Variants in TAFA2 observed in about 807,000 individuals in gnomAD.
The protein encoded by TAFA2 is chemokine-like protein TAFA-2.
In TAFA2, 7 loss-of-function variants were observed where a neutral mutation model predicts 18.8. The ratio of observed to expected loss-of-function variants is 0.37; its 90% CI spans 0.21 to 0.70. The LOEUF is 0.70. Among genes scored for constraint, TAFA2 ranks in the 30% least tolerant of loss-of-function variants. The pLI, the probability that TAFA2 is intolerant of heterozygous loss-of-function variation, is 0.53. For synonymous variants in TAFA2, 60 were observed against 54.2 expected (o/e 1.11, Z -0.47); for missense variants, 122 against 158.1 (o/e 0.77, Z 1.23).
chr12:62,021,545 T>C (rs920031686), intron 1 of TAFA2: 6 of 661,538 alleles, frequency 9.1e-6, no homozygotes, highest in Non-Finnish European at 1.1e-5. Flanking sequence ...GACTCCAGAA[T>C]ACAGCTGCCA....
chr12:61,985,386 G>A (rs78081044), intron 1 of TAFA2, among the ~76,000 whole-genome samples: 1,904 of 152,292 alleles, frequency 0.013, 38 homozygotes, highest in Non-Finnish European at 0.013. Context: ...TTAACCATTT[G>A]AGGGGAGGAA....
chr12:61,993,748 TACAG>T (rs1354847539), intron 1 of TAFA2, among the ~76,000 whole-genome samples: 2 of 152,162 alleles, frequency 1.3e-5, no homozygotes, highest in Non-Finnish European at 2.9e-5. Flanking sequence ...CACTGTTAAA[TACAG>T]ACAATGAAAA....
intron 1 of TAFA2, among the ~76,000 whole-genome samples, chr12:62,065,847 G>GT (rs1427576441): frequency 6.6e-6 from 1 of 151,770 alleles, no homozygotes; most frequent in East Asian, 1.9e-4. Flanking sequence ...AAGAAAAGTG[G>GT]TTTTTACTTG....
intron 1 of TAFA2, among the ~76,000 whole-genome samples, chr12:62,105,790 C>CAAAT (rs1869421629): frequency 6.6e-6 from 1 of 152,210 alleles, no homozygotes; most frequent in East Asian, 1.9e-4. Context: ...AATCAATAGC[C>CAAAT]AAATAAAACA....
Position 62,024,913 on chromosome 12 carries a change from C to A in TAFA2, c.-1-157487G>T, listed in dbSNP as rs1459526950. Reference sequence around the variant, plus strand: ...GTAAATCAAAACCGCAATGAGATACCATCTCACACCAGTCAGAATGACTAT... The same window carrying A: ...GTAAATCAAAACCGCAATGAGATACAATCTCACACCAGTCAGAATGACTAT... On this transcript the variant is annotated intron_variant, in intron 1 of 4. Coordinates refer to ENST00000416284, the MANE Select transcript of TAFA2 (RefSeq NM_178539.5). Among the ~76,000 whole-genome samples the A allele has an allele frequency of 4.6e-5, 7 of 152,040 alleles. No homozygotes were observed. The East Asian group carries it at 1.3e-3, about 29-fold the overall frequency.
chr12:61,790,436 T>C (rs1418603283), intron 2 of TAFA2, among the ~76,000 whole-genome samples: 4 of 151,866 alleles, frequency 2.6e-5, no homozygotes, highest in African/African-American at 9.7e-5. Flanking sequence ...TGTTTCTGTT[T>C]GCAGAGGCTA....
At chr12:61,780,073 T>G (rs1239804179) in intron 2 of TAFA2, among the ~76,000 whole-genome samples, 1 of 151,594 alleles carries the variant, frequency 6.6e-6, no homozygotes, top group Non-Finnish European at 1.5e-5. Flanking sequence ...TAGATGCAAA[T>G]GAAAACAATG....
At chr12:61,752,894 G>T (rs1341481606) in intron 4 of TAFA2, among the ~76,000 whole-genome samples, 1 of 151,504 alleles carries the variant, frequency 6.6e-6, no homozygotes, top group Non-Finnish European at 1.5e-5. Flanking sequence ...TTTCCTAAAA[G>T]CAAAACAAAA....
chr12:61,896,959 T>A (rs1875873872), intron 1 of TAFA2, among the ~76,000 whole-genome samples: 1 of 152,186 alleles, frequency 6.6e-6, no homozygotes, highest in Non-Finnish European at 1.5e-5. Context: ...ATCTTATCTC[T>A]ATTGAGGGTC....
At chr12:61,760,052 A>C (rs1869461803) in intron 2 of TAFA2, among the ~76,000 whole-genome samples, 1 of 145,630 alleles carries the variant, frequency 6.9e-6, no homozygotes. Context: ...AGCCTGATAG[A>C]TGCAGGGCTT....
chr12:61,910,563 A>C (rs1050332748), intron 1 of TAFA2, among the ~76,000 whole-genome samples: 54 of 152,174 alleles, frequency 3.5e-4, no homozygotes, highest in African/African-American at 1.3e-3. Context: ...GCTGGAGTTA[A>C]AGTGGTATAA....
chr12:61,821,406 C>A (rs1489015902), intron 2 of TAFA2, among the ~76,000 whole-genome samples: 1 of 151,994 alleles, frequency 6.6e-6, no homozygotes, highest in Non-Finnish European at 1.5e-5. Context: ...AATAAAAGTT[C>A]TCTTCCAGAA....
chr12:61,737,980 C>T (rs775860976), intron 4 of TAFA2, among the ~76,000 whole-genome samples: 1 of 151,954 alleles, frequency 6.6e-6, no homozygotes, highest in Non-Finnish European at 1.5e-5. Flanking sequence ...CAAAAACTTA[C>T]ATATTGTAAC....
chr12:61,983,046 G>A (rs542294046), intron 1 of TAFA2, among the ~76,000 whole-genome samples: 3 of 152,164 alleles, frequency 2.0e-5, no homozygotes, highest in Admixed American at 1.3e-4. Context: ...AAGGTCAACA[G>A]CTGCTATGTA....
chr12:62,020,732 C>T (rs1455193605), intron 1 of TAFA2, among the ~76,000 whole-genome samples: 1 of 152,198 alleles, frequency 6.6e-6, no homozygotes, highest in Non-Finnish European at 1.5e-5. Context: ...CACCCCTTTA[C>T]TCACTTCTCA....
chr12:61,928,968 T>A (rs530009165), intron 1 of TAFA2, among the ~76,000 whole-genome samples: 1 of 151,780 alleles, frequency 6.6e-6, no homozygotes, highest in Non-Finnish European at 1.5e-5. Flanking sequence ...TGAGAACACA[T>A]GGACACAGGG....
chr12:61,993,712 T>A (rs1880087470), intron 1 of TAFA2, among the ~76,000 whole-genome samples: 1 of 152,160 alleles, frequency 6.6e-6, no homozygotes, highest in Admixed American at 6.5e-5. Context: ...CCTCATGGTG[T>A]AAATTGGGGA....
chr12:62,079,979 C>T (rs1263422800), intron 1 of TAFA2, among the ~76,000 whole-genome samples: 2 of 152,194 alleles, frequency 1.3e-5, no homozygotes, highest in Non-Finnish European at 2.9e-5. Flanking sequence ...TTTCTCTGCT[C>T]AGATCTTATA....
chr12:62,047,123 G>A (rs1881930055), intron 1 of TAFA2, among the ~76,000 whole-genome samples: 1 of 152,052 alleles, frequency 6.6e-6, no homozygotes, highest in Non-Finnish European at 1.5e-5. Flanking sequence ...ATCAACAAGT[G>A]TACTGATTTA....
Sources: gnomAD v4.1 joint callset for allele counts (sites outside exome capture counted in the v4.1 genomes callset) on GRCh38, gnomAD v4.1.1 for gene constraint, MANE v1.5 for transcripts, NCBI Gene and HGNC (gene_info 2026-07-23, HGNC 2026-07-21) for gene names.